The following CNTN5 variants were observed in gnomAD, a reference collection of about 807,000 sequenced individuals.
The protein encoded by CNTN5 is contactin 5, also known as contactin-5.
A neutral mutation model predicts 129.1 loss-of-function variants in CNTN5; 77 were observed. That is an observed-to-expected ratio of 0.60 (90% CI 0.50 to 0.72). The LOEUF (loss-of-function observed/expected upper bound fraction) is 0.72, where lower values mean the gene tolerates loss of function less well. CNTN5 is among the 30% of genes least tolerant of loss of function. The probability of loss-of-function intolerance (pLI) is 0.00; values close to 1 mark genes in which losing one functional copy is unlikely to be tolerated. For missense variants in CNTN5, 1,478 were observed against 1,328.8 expected, an observed-to-expected ratio of 1.11 and a Z score of -1.75; for synonymous variants, 509 against 465.6, an observed-to-expected ratio of 1.09 and a Z score of -1.20.
rs775890074 is a variant in CNTN5 at position 100,061,240 on chromosome 11, G to A, written c.1009G>A (p.Val337Ile). ...NPVPTITWMKVNGYIPSKARL... is the reference protein window; with the variant it reads ...NPVPTITWMKINGYIPSKARL... ...CGTTCCAACAATCACATGGATGAAG[G>A]TTAATGGTTATATTCCTAGTAAGGC... The change falls in exon 10 of 25, where the codon GTT becomes ATT. Residue 337 changes from valine (V) to isoleucine (I), a missense_variant. Coordinates refer to ENST00000524871, the MANE Select transcript of CNTN5 (RefSeq NM_014361.4). 5 of 1,612,748 alleles carry A rather than the reference G, an allele frequency of 3.1e-6. No individual in the cohort carries two copies. Among genetic ancestry groups the A allele is most frequent in the Non-Finnish European group, 3.4e-6 (4 of 1,178,930 alleles).
intron 1 of CNTN5, among the ~76,000 whole-genome samples, chr11:99,179,930 T>G (rs1001238481): frequency 6.6e-6 from 1 of 152,194 alleles, no homozygotes; most frequent in Non-Finnish European, 1.5e-5. Context: ...TTTGCGTTTT[T>G]GTATTATGTT....
intron 7 of CNTN5, among the ~76,000 whole-genome samples, chr11:99,935,602 T>C (rs1283237821): frequency 1.3e-5 from 2 of 152,140 alleles, no homozygotes; most frequent in Non-Finnish European, 2.9e-5. Flanking sequence ...GTGTGTTGTG[T>C]ATATATTATA....
intron 1 of CNTN5, among the ~76,000 whole-genome samples, chr11:99,254,292 G>T (rs1254919264): frequency 6.6e-6 from 1 of 151,854 alleles, no homozygotes; most frequent in Non-Finnish European, 1.5e-5. Flanking sequence ...AATTATACTT[G>T]CACTGAATAA....
At chr11:100,012,869 G>A (rs1344659753) in intron 9 of CNTN5, among the ~76,000 whole-genome samples, 1 of 152,144 alleles carries the variant, frequency 6.6e-6, no homozygotes, top group African/African-American at 2.4e-5. Flanking sequence ...ACTTGGATTA[G>A]TTTAGACTTA....
chr11:99,492,301 A>T (rs1946066921), intron 2 of CNTN5, among the ~76,000 whole-genome samples: 1 of 152,140 alleles, frequency 6.6e-6, no homozygotes, highest in South Asian at 2.1e-4. Context: ...ATATTTTGTG[A>T]CAATAGCCAT....
intron 3 of CNTN5, among the ~76,000 whole-genome samples, chr11:99,746,981 G>A (rs146808939): frequency 1.1e-3 from 161 of 152,260 alleles, no homozygotes; most frequent in Non-Finnish European, 1.7e-3. Context: ...TTTTGATAGG[G>A]ATTGCATTGA....
intron 7 of CNTN5, among the ~76,000 whole-genome samples, chr11:99,934,462 A>AAT (rs1162255949): frequency 1.3e-5 from 2 of 152,128 alleles, no homozygotes; most frequent in Admixed American, 6.6e-5. Context: ...AAAAGCAATC[A>AAT]ATATATATAT....
chr11:99,790,310 G>T (rs774698632), intron 3 of CNTN5, among the ~76,000 whole-genome samples: 4 of 151,842 alleles, frequency 2.6e-5, no homozygotes, highest in Non-Finnish European at 4.4e-5. Flanking sequence ...GGTAATTTTT[G>T]ATCCTCACCC....
At chr11:99,786,492 A>G (rs2135413613) in intron 3 of CNTN5, among the ~76,000 whole-genome samples, 1 of 152,290 alleles carries the variant, frequency 6.6e-6, no homozygotes, top group Middle Eastern at 3.4e-3. Context: ...TCACAGAATT[A>G]GAAAAAAACT....
At chr11:99,773,002 A>G (rs1944997256) in intron 3 of CNTN5, among the ~76,000 whole-genome samples, 1 of 152,108 alleles carries the variant, frequency 6.6e-6, no homozygotes, top group Non-Finnish European at 1.5e-5. Flanking sequence ...CATAATGTAT[A>G]ACTTACTTAT....
At chr11:99,084,860 C>T (rs147277634) in intron 1 of CNTN5, among the ~76,000 whole-genome samples, 2 of 152,228 alleles carry the variant, frequency 1.3e-5, no homozygotes, top group East Asian at 3.9e-4. Flanking sequence ...TTCTCTCAAA[C>T]AATTAAGTAT....
At chr11:99,831,431 T>C (rs1947135588) in intron 4 of CNTN5, among the ~76,000 whole-genome samples, 1 of 152,188 alleles carries the variant, frequency 6.6e-6, no homozygotes, top group Non-Finnish European at 1.5e-5. Flanking sequence ...TTGTGTGACA[T>C]GCAGTCAGGC....
chr11:99,839,684 A>G (rs1289089097), intron 4 of CNTN5, among the ~76,000 whole-genome samples: 1 of 152,148 alleles, frequency 6.6e-6, no homozygotes, highest in African/African-American at 2.4e-5. Flanking sequence ...ATAAGATAAT[A>G]GAATATGATA....
intron 1 of CNTN5, among the ~76,000 whole-genome samples, chr11:99,247,117 A>G (rs932391003): frequency 6.6e-5 from 10 of 152,316 alleles, no homozygotes; most frequent in Non-Finnish European, 1.2e-4. Flanking sequence ...TTTAGAATAC[A>G]GAACATTTGT....
At chr11:99,497,900 G>T (rs1946286332) in intron 2 of CNTN5, among the ~76,000 whole-genome samples, 1 of 152,118 alleles carries the variant, frequency 6.6e-6, no homozygotes, top group African/African-American at 2.4e-5. Context: ...AAGTCTCCAG[G>T]TGAGACTTGT....
In CNTN5 at chr11:99,035,753, G is replaced by C. The variant is rs577751263; in HGVS notation, c.-210+14483G>C. Among the ~76,000 whole-genome samples, 12 of 149,656 alleles carry C rather than the reference G, an allele frequency of 8.0e-5. No homozygotes were observed. In the South Asian group the frequency reaches 2.5e-3, roughly 32 times the overall value. ...TGCCAGTCTGTGTCTTTTAATTGGA[G>C]AATTTAGTCCATTTACATTTAAAGT... On this transcript the variant is annotated intron_variant, in intron 1 of 24. Transcript: ENST00000524871.
chr11:99,887,971 C>A (rs1335878910), intron 6 of CNTN5, among the ~76,000 whole-genome samples: 1 of 152,136 alleles, frequency 6.6e-6, no homozygotes, highest in Non-Finnish European at 1.5e-5. Flanking sequence ...TACTTTGCAT[C>A]CTTCAATCCA....
intron 7 of CNTN5, among the ~76,000 whole-genome samples, chr11:99,916,388 C>T (rs1027993101): frequency 1.3e-5 from 2 of 152,032 alleles, no homozygotes; most frequent in Non-Finnish European, 1.5e-5. Flanking sequence ...CACTGTTATG[C>T]CTCTGTCTTC....
At chr11:100,050,465 G>A (rs1942895591) in intron 9 of CNTN5, among the ~76,000 whole-genome samples, 1 of 151,882 alleles carries the variant, frequency 6.6e-6, no homozygotes, top group African/African-American at 2.4e-5. Flanking sequence ...TCACACTCTG[G>A]GGACTGTTGT....
Sources: allele counts gnomAD v4.1 joint callset (sites outside exome capture counted in the v4.1 genomes callset), GRCh38; gene constraint gnomAD v4.1.1; transcripts MANE v1.5; gene names NCBI Gene and HGNC (gene_info 2026-07-23, HGNC 2026-07-21).